Variants in PLD5 observed in about 807,000 individuals in gnomAD.
The protein encoded by PLD5 is inactive phospholipase D5.
A neutral mutation model predicts 61.1 loss-of-function variants in PLD5; 36 were observed. That is an observed-to-expected ratio of 0.59 (90% CI 0.45 to 0.78). The LOEUF is 0.78. PLD5 is among the 30% of genes least tolerant of loss of function. The pLI is 0.00. For synonymous variants in PLD5, 243 were observed against 242.8 expected (o/e 1.00, Z -0.01); for missense variants, 515 against 644.4 (o/e 0.80, Z 2.17).
At chr1:242,091,444 C>T (rs942056742) in intron 9 of PLD5, among the ~76,000 whole-genome samples, 10 of 152,250 alleles carry the variant, frequency 6.6e-5, no homozygotes, top group African/African-American at 2.2e-4. Context: ...AAGGCATGTT[C>T]CTTGCCAGTC....
At chr1:242,185,210 C>G (rs1667793022) in intron 5 of PLD5, among the ~76,000 whole-genome samples, 1 of 152,070 alleles carries the variant, frequency 6.6e-6, no homozygotes. Flanking sequence ...GCAGCCCAGC[C>G]CCACATAGCT....
At chr1:242,318,451 T>C (rs372927682) in intron 2 of PLD5, among the ~76,000 whole-genome samples, 1 of 152,312 alleles carries the variant, frequency 6.6e-6, no homozygotes, top group Non-Finnish European at 1.5e-5. Flanking sequence ...ACAAGTGTGC[T>C]GACGGGAGAG....
chr1:242,395,092 AAT>A (rs1397505610), intron 1 of PLD5, among the ~76,000 whole-genome samples: 2 of 144,692 alleles, frequency 1.4e-5, no homozygotes, highest in South Asian at 2.1e-4. Flanking sequence ...TATATATATG[AAT>A]ATATATGTAT....
At chr1:242,356,385 C>T (rs970652804) in intron 1 of PLD5, among the ~76,000 whole-genome samples, 28 of 151,266 alleles carry the variant, frequency 1.9e-4, no homozygotes, top group Admixed American at 6.6e-5. Context: ...CTATCACTAC[C>T]CCTGTTCTCA....
At chr1:242,305,501 C>T (rs1336328236) in intron 2 of PLD5, among the ~76,000 whole-genome samples, 1 of 152,176 alleles carries the variant, frequency 6.6e-6, no homozygotes, top group Non-Finnish European at 1.5e-5. Context: ...GACAGGACCT[C>T]AAGACAGTTT....
intron 5 of PLD5, among the ~76,000 whole-genome samples, chr1:242,175,273 C>G (rs1375187637): frequency 6.6e-6 from 1 of 152,116 alleles, no homozygotes; most frequent in Non-Finnish European, 1.5e-5. Flanking sequence ...TGGCTTTGTC[C>G]CTAGGATGCA....
intron 1 of PLD5, among the ~76,000 whole-genome samples, chr1:242,509,158 C>T (rs1297688989): frequency 6.6e-6 from 1 of 151,926 alleles, no homozygotes; most frequent in East Asian, 1.9e-4. Flanking sequence ...AGACAGATTG[C>T]CTGAGCTCGA....
intron 1 of PLD5, among the ~76,000 whole-genome samples, chr1:242,411,081 A>G (rs1664523084): frequency 6.6e-6 from 1 of 151,618 alleles, no homozygotes; most frequent in African/African-American, 2.4e-5. Context: ...TAAGAGAAAT[A>G]AATCACGATT....
Position 242,228,434 on chromosome 1 carries a change from T to C in PLD5, c.608-8319A>G, listed in dbSNP as rs74150868. On this transcript the variant is annotated intron_variant, in intron 4 of 9. Transcript: ENST00000536534. The stretch of plus-strand genomic sequence containing the variant: ...AAAGCCTAGGTCCCATGTGAAAACA[T>C]GTAGTCTCTATTTGGTCACAGCTGA... Among the ~76,000 whole-genome samples the C allele has an allele frequency of 8.9e-3, 1,351 of 152,274 alleles. 22 individuals carry two copies. Among genetic ancestry groups the C allele is most frequent in the African/African-American group, 0.031 (1,294 of 41,546 alleles).
At chr1:242,271,193 CACACACACAGAGAGAGAGAGAGAG>C (rs1674047681) in intron 3 of PLD5, among the ~76,000 whole-genome samples, 1 of 13,542 alleles carries the variant, frequency 7.4e-5, no homozygotes, top group Non-Finnish European at 2.0e-4. Flanking sequence ...CACACACACA[CACACACACAGAGAGAGAGAGAGAG>C]AGAGAGAGAG....
At chr1:242,238,272 T>C (rs1160680177) in intron 4 of PLD5, among the ~76,000 whole-genome samples, 3 of 152,188 alleles carry the variant, frequency 2.0e-5, no homozygotes, top group Admixed American at 6.5e-5. Context: ...ATAAAACACC[T>C]AATGCCAGAA....
intron 1 of PLD5, among the ~76,000 whole-genome samples, chr1:242,360,122 T>C (rs1271742128): frequency 6.6e-6 from 1 of 152,142 alleles, no homozygotes; most frequent in African/African-American, 2.4e-5. Context: ...TGTAAAAACA[T>C]ACATTGCTGG....
chr1:242,265,623 G>C (rs1558411465), intron 3 of PLD5, among the ~76,000 whole-genome samples, 175 bp from the exon 4 acceptor site: 1 of 152,196 alleles, frequency 6.6e-6, no homozygotes, highest in African/African-American at 2.4e-5. Context: ...TATATCAATA[G>C]AGTAGTAGCA....
intron 1 of PLD5, among the ~76,000 whole-genome samples, chr1:242,442,288 A>G (rs1206551570): frequency 1.3e-5 from 2 of 152,218 alleles, no homozygotes; most frequent in Non-Finnish European, 2.9e-5. Context: ...CTCTATTTAA[A>G]TAAGAATAAA....
chr1:242,390,216 T>C (rs1046307447), intron 1 of PLD5, among the ~76,000 whole-genome samples: 4 of 152,106 alleles, frequency 2.6e-5, no homozygotes, highest in African/African-American at 9.6e-5. Context: ...CCCACTACCA[T>C]ACCTGGCTAA....
intron 5 of PLD5, among the ~76,000 whole-genome samples, chr1:242,194,669 C>G (rs542888791): frequency 1.1e-5 from 1 of 91,410 alleles, no homozygotes; most frequent in African/African-American, 3.7e-5. Context: ...TATCTATCTA[C>G]CTATCTATGA....
At chr1:242,246,555 ACC>A (rs2149073482) in intron 4 of PLD5, among the ~76,000 whole-genome samples, 1 of 151,432 alleles carries the variant, frequency 6.6e-6, no homozygotes, top group East Asian at 1.9e-4. Context: ...CTCAAAGGTA[ACC>A]CTTATTAACA....
At chr1:242,135,531 C>T (rs531186777) in intron 5 of PLD5, among the ~76,000 whole-genome samples, 64 of 152,338 alleles carry the variant, frequency 4.2e-4, no homozygotes, top group Non-Finnish European at 8.4e-4. Context: ...ACTTGCCCAT[C>T]TACCTGTTTT....
rs141111734 is a variant in PLD5 at position 242,500,034 on chromosome 1, C to T, written c.189+24054G>A. Among the ~76,000 whole-genome samples, 438 of 152,260 alleles carry T rather than the reference C, an allele frequency of 2.9e-3. 7 individuals are homozygous for T. In the East Asian group the frequency reaches 0.038, roughly 13 times the overall value. On this transcript the variant is annotated intron_variant, in intron 1 of 9. Transcript: ENST00000536534. ...CCTTGCAGCCTGGCGGACACAGGGT[C>T]GTCATACTTATAGTGTGGCTCAGAA...
Sources: allele counts gnomAD v4.1 joint callset (sites outside exome capture counted in the v4.1 genomes callset), GRCh38; gene constraint gnomAD v4.1.1; transcripts MANE v1.5; gene names NCBI Gene and HGNC (gene_info 2026-07-23, HGNC 2026-07-21).